The following ZFYVE9 variants were observed in gnomAD, a reference collection of about 807,000 sequenced individuals.
The protein encoded by ZFYVE9 is zinc finger FYVE-type containing 9.
ZFYVE9 carries 43 observed loss-of-function variants against 126.7 expected under a neutral mutation model. The ratio of observed to expected loss-of-function variants is 0.34; its 90% CI spans 0.27 to 0.44. ZFYVE9 has a LOEUF of 0.44. ZFYVE9 is among the 20% of genes least tolerant of loss of function. ZFYVE9 has a pLI of 1.00. For missense variants in ZFYVE9, 1,476 were observed against 1,697.0 expected (o/e 0.87, Z 2.29); for synonymous variants, 521 against 597.4 (o/e 0.87, Z 1.87).
intron 12 of ZFYVE9, among the ~76,000 whole-genome samples, chr1:52,301,837 A>AT (rs1646038630): frequency 1.3e-5 from 2 of 152,040 alleles, no homozygotes; most frequent in Non-Finnish European, 2.9e-5. Flanking sequence ...CGTCTTACTA[A>AT]TGTTCTTTTT....
chr1:52,231,092 G>T (rs1419970217), intron 2 of ZFYVE9, among the ~76,000 whole-genome samples: 4 of 152,294 alleles, frequency 2.6e-5, no homozygotes, highest in African/African-American at 9.6e-5. Flanking sequence ...GTCAGATTGT[G>T]TGTTGTGAGA....
At chr1:52,201,374 A>ATTTTT (rs11344134) in intron 1 of ZFYVE9, among the ~76,000 whole-genome samples, 1 of 91,270 alleles carries the variant, frequency 1.1e-5, no homozygotes, top group African/African-American at 3.5e-5. Flanking sequence ...GTTTTTGGTA[A>ATTTTT]TTTTTTTTTT....
chr1:52,160,681 T>A, intron 1 of ZFYVE9: 2 of 559,500 alleles, frequency 3.6e-6, no homozygotes, highest in Non-Finnish European at 6.4e-6. Context: ...CCTGCAGTGC[T>A]GGGATTACAG....
At chr1:52,320,916 C>T (rs998509905) in intron 13 of ZFYVE9, among the ~76,000 whole-genome samples, 1 of 151,586 alleles carries the variant, frequency 6.6e-6, no homozygotes, top group Admixed American at 6.6e-5. Flanking sequence ...ATGTAATAGA[C>T]GTTCAAACTT....
chr1:52,290,675 C>T (rs767005967), intron 10 of ZFYVE9, among the ~76,000 whole-genome samples: 20 of 152,072 alleles, frequency 1.3e-4, no homozygotes, highest in Non-Finnish European at 2.8e-4. Context: ...GACACTCTAT[C>T]CCTGATCCTG....
chr1:52,293,344 A>G, intron 10 of ZFYVE9, 109 bp from the exon 11 acceptor site: 1 of 954,948 alleles, frequency 1.0e-6, no homozygotes, highest in South Asian at 1.9e-5. Flanking sequence ...GCGCCACTGC[A>G]CTCCAGCCTG....
chr1:52,332,881 G>T lies in ZFYVE9; in HGVS notation c.3552G>T (p.Gln1184His). 6.2e-7 allele frequency: 1 copy of T among 1,614,120 alleles called. No homozygotes were observed. Among genetic ancestry groups the T allele is most frequent in the South Asian group, 1.1e-5 (1 of 91,080 alleles). ...VCVQNDDGNY[Q>H]TQAISIHNQP... Reference sequence around the variant, plus strand: ...TACAGAATGATGATGGAAACTATCAGACCCAGGCTATCAGTATTCACAATC... The same window carrying T: ...TACAGAATGATGATGGAAACTATCATACCCAGGCTATCAGTATTCACAATC... The change falls in exon 14 of 19, where the codon CAG becomes CAT. Residue 1184 changes from glutamine (Q) to histidine (H), a missense_variant. This residue lies in a region of ZFYVE9 where 669 missense variants were observed against 902.4 expected (regional missense o/e 0.74). Transcript: ENST00000287727.
intron 4 of ZFYVE9, chr1:52,253,779 T>C (rs1557482590): frequency 1.4e-5 from 22 of 1,607,082 alleles, no homozygotes; most frequent in African/African-American, 8.0e-5. Context: ...TAGAAACTTA[T>C]TGGCAATCAG....
Position 52,266,405 on chromosome 1 carries a change from T to TAAAAAAAAAAAA in ZFYVE9, c.2279-232_2279-221dup, listed in dbSNP as rs33996604. Among the ~76,000 whole-genome samples, 126 of 85,634 alleles carry TAAAAAAAAAAAA rather than the reference T, an allele frequency of 1.5e-3. 3 individuals are homozygous for TAAAAAAAAAAAA. The highest frequency in any genetic ancestry group is 5.8e-3 in the African/African-American group (121 of 20,868). The allele number at this position is 85,634 out of a possible 152,430, so 56.2% of individuals were successfully genotyped here. On this transcript the variant is annotated intron_variant, in intron 5 of 18. Coordinates refer to ENST00000287727, the MANE Select transcript of ZFYVE9 (RefSeq NM_004799.4). Reference sequence around the variant, plus strand: ...AGCCACCACTCCCGGTCTAATTCTTTAAAAAAAAAAAAAAAAAAAAAAAAA... The same window carrying TAAAAAAAAAAAA: ...AGCCACCACTCCCGGTCTAATTCTTTAAAAAAAAAAAAAAAAAAAAAAAAAAAAAAAAAAAAA...
rs138485198 is a variant in ZFYVE9, at chr1:52,252,246, A to G, written c.2179-11527A>G. The G allele has an allele frequency of 7.1e-3, 1,110 of 155,536 alleles. 11 individuals carry two copies. Among genetic ancestry groups the G allele is most frequent in the Non-Finnish European group, 0.01 (725 of 69,678 alleles). 9.6% of individuals were successfully genotyped at this position (155,536 alleles called of 1,614,324 possible). On this transcript the variant is annotated intron_variant, in intron 4 of 18. Transcript: ENST00000287727. ...TTCCATTTTGTCGTTTCGGGTTCAA[A>G]CATACCTCTGTAATAGCCACCACTG...
At chr1:52,259,886 A>G (rs955176910) in intron 4 of ZFYVE9, among the ~76,000 whole-genome samples, 4 of 152,202 alleles carry the variant, frequency 2.6e-5, no homozygotes, top group African/African-American at 9.6e-5. Context: ...CGGTACATAC[A>G]GAACTATTTC....
In ZFYVE9 at chr1:52,268,459, C is replaced by G. The variant is rs1165925459; in HGVS notation, c.2456-4C>G. ...TGCCTGTTTTATTTTTCTGGCCCCT[C>G]AAGTGGCTCAGCCCAGAGAGCAGAG... On this transcript the variant is annotated splice_region_variant and splice_polypyrimidine_tract_variant and intron_variant, in intron 6 of 18. Transcript: ENST00000287727. The G allele has an allele frequency of 1.2e-6, 2 of 1,609,596 alleles. No individual in the cohort carries two copies. The highest frequency in any genetic ancestry group is 3.3e-5 in the Admixed American group (2 of 59,860).
chr1:52,152,401 C>T (rs1328971252), intron 1 of ZFYVE9, among the ~76,000 whole-genome samples: 1 of 152,168 alleles, frequency 6.6e-6, no homozygotes, highest in Admixed American at 6.6e-5. Context: ...AAGTCTCACC[C>T]TCACCGTATC....
At chr1:52,203,978 G>C (rs1041945450) in intron 1 of ZFYVE9, among the ~76,000 whole-genome samples, 1 of 151,898 alleles carries the variant, frequency 6.6e-6, no homozygotes, top group African/African-American at 2.4e-5. Flanking sequence ...ACCCGTTATA[G>C]CCCTTAGCAT....
chr1:52,333,370 T>C (rs1315038825), intron 14 of ZFYVE9, among the ~76,000 whole-genome samples: 1 of 151,618 alleles, frequency 6.6e-6, no homozygotes. Flanking sequence ...GGCCCCATAA[T>C]GAGAGTATGT....
At position 52,342,741 on chromosome 1, in the gene ZFYVE9, C is replaced by T. The variant is rs7524690; in HGVS notation, c.3940-2027C>T. On this transcript the variant is annotated intron_variant, in intron 17 of 18. Transcript: ENST00000287727. The stretch of plus-strand genomic sequence containing the variant: ...AGTAGACAGGGTTTCACCATGTTGG[C>T]CAGGCTGGTCTCAAACTCCTGACCT... Among the ~76,000 whole-genome samples, 460 of 152,186 alleles carry T rather than the reference C, an allele frequency of 3.0e-3. 1 individual carries two copies. Among genetic ancestry groups the T allele is most frequent in the African/African-American group, 0.011 (436 of 41,524 alleles).
chr1:52,160,529 C>T (rs1644447721), intron 1 of ZFYVE9: 1 of 777,238 alleles, frequency 1.3e-6, no homozygotes, highest in Non-Finnish European at 2.4e-6. Flanking sequence ...GCTGATGCCC[C>T]AGCCCTTGTG....
intron 7 of ZFYVE9, among the ~76,000 whole-genome samples, chr1:52,271,739 C>G (rs774700580): frequency 2.6e-5 from 4 of 152,146 alleles, no homozygotes; most frequent in Admixed American, 2.0e-4. Flanking sequence ...TGATGCCATA[C>G]CGGAAAATTT....
Position 52,261,638 on chromosome 1 carries a change from G to T in ZFYVE9, c.2179-2135G>T, listed in dbSNP as rs1645581363. On this transcript the variant is annotated intron_variant, in intron 4 of 18. Transcript: ENST00000287727. ...GATTTTAAGAAATTTAACATTATTA[G>T]ATTTATTTTTTAGAAAGTTCAGTCT... 2.0e-5 allele frequency among the ~76,000 whole-genome samples: 3 copies of T among 152,092 alleles called. No individual in the cohort carries two copies. The South Asian group carries it at 6.2e-4, about 32-fold the overall frequency.
Sources: allele counts gnomAD v4.1 joint callset (sites outside exome capture counted in the v4.1 genomes callset), GRCh38; gene constraint gnomAD v4.1.1; regional missense constraint gnomAD v4.1.1; transcripts MANE v1.5; gene names NCBI Gene and HGNC (gene_info 2026-07-23, HGNC 2026-07-21).